ARHGAP15: variants seen among roughly 807,000 people sequenced by gnomAD.
The protein encoded by ARHGAP15 is Rho GTPase activating protein 15.
In ARHGAP15, 51 loss-of-function variants were observed where a neutral mutation model predicts 63.7. That is an observed-to-expected ratio of 0.80 (90% CI 0.64 to 1.01). The LOEUF (loss-of-function observed/expected upper bound fraction) is 1.01, where lower values mean the gene tolerates loss of function less well. Among genes scored for constraint, ARHGAP15 ranks in the 50% least tolerant of loss-of-function variants. The probability of loss-of-function intolerance (pLI) is 0.00; values close to 1 mark genes in which losing one functional copy is unlikely to be tolerated. For missense variants in ARHGAP15, 560 were observed against 564.6 expected (o/e 0.99, Z 0.08); for synonymous variants, 191 against 193.8 (o/e 0.99, Z 0.12).
At chr2:143,267,859 TTTCTC>T (rs1681074171) in intron 6 of ARHGAP15, among the ~76,000 whole-genome samples, 3 of 152,140 alleles carry the variant, frequency 2.0e-5, no homozygotes, top group Non-Finnish European at 4.4e-5. Flanking sequence ...CAAAAAATAT[TTTCTC>T]TAGCTAGTTT....
intron 11 of ARHGAP15, among the ~76,000 whole-genome samples, chr2:143,579,930 G>T (rs1345538514): frequency 6.9e-6 from 1 of 145,904 alleles, no homozygotes; most frequent in African/African-American, 2.5e-5. Context: ...TGCACATTGT[G>T]CAGGTTAAAA....
At chr2:143,591,564 GTTA>G (rs1282408582) in intron 11 of ARHGAP15, among the ~76,000 whole-genome samples, 2 of 148,700 alleles carry the variant, frequency 1.3e-5, no homozygotes, top group African/African-American at 2.5e-5. Flanking sequence ...TATTATTATT[GTTA>G]TTATTATGCA....
intron 6 of ARHGAP15, among the ~76,000 whole-genome samples, chr2:143,267,355 A>G (rs1346231572): frequency 6.6e-6 from 1 of 152,234 alleles, no homozygotes; most frequent in Non-Finnish European, 1.5e-5. Context: ...GATTTAAAAG[A>G]ACCATTCAGC....
intron 6 of ARHGAP15, among the ~76,000 whole-genome samples, chr2:143,258,971 A>G (rs1375559613): frequency 6.6e-6 from 1 of 152,158 alleles, no homozygotes; most frequent in East Asian, 1.9e-4. Flanking sequence ...GGAAATACCA[A>G]TAATGAGGAT....
intron 8 of ARHGAP15, among the ~76,000 whole-genome samples, chr2:143,466,662 A>G (rs1029633671): frequency 1.3e-5 from 2 of 152,058 alleles, no homozygotes; most frequent in African/African-American, 2.4e-5. Context: ...CACATTTGCA[A>G]ATGTAAGTGG....
At chr2:143,480,675 G>A (rs1004927061) in intron 8 of ARHGAP15, 1 of 152,110 alleles carries the variant, frequency 6.6e-6, no homozygotes, top group African/African-American at 2.4e-5. Flanking sequence ...TTTACACTGA[G>A]CAAGTGAAAA....
At chr2:143,589,237 G>T (rs1190150095) in intron 11 of ARHGAP15, among the ~76,000 whole-genome samples, 1 of 152,184 alleles carries the variant, frequency 6.6e-6, no homozygotes. Context: ...GAATGATAGA[G>T]AAATTTTATC....
chr2:143,238,741 C>T (rs1693750291), intron 5 of ARHGAP15, among the ~76,000 whole-genome samples: 1 of 152,094 alleles, frequency 6.6e-6, no homozygotes, highest in East Asian at 1.9e-4. Context: ...GACACATGCA[C>T]GTGTATGTTC....
intron 8 of ARHGAP15, among the ~76,000 whole-genome samples, chr2:143,452,396 A>T: frequency 6.6e-6 from 1 of 151,920 alleles, no homozygotes; most frequent in Non-Finnish European, 1.5e-5. Context: ...TGGATAATGC[A>T]TTTCATTTAA....
chr2:143,275,389 T>A (rs1439108376), intron 6 of ARHGAP15, among the ~76,000 whole-genome samples: 1 of 152,214 alleles, frequency 6.6e-6, no homozygotes, highest in Non-Finnish European at 1.5e-5. Context: ...GGGAATGGAA[T>A]AACGTGTTAC....
At chr2:143,438,085 A>G (rs1339300646) in intron 8 of ARHGAP15, among the ~76,000 whole-genome samples, 1 of 152,148 alleles carries the variant, frequency 6.6e-6, no homozygotes. Flanking sequence ...CTTAAAAATT[A>G]TAGTATTTTG....
At chr2:143,293,209 G>A (rs570596423) in intron 6 of ARHGAP15, among the ~76,000 whole-genome samples, 4 of 152,048 alleles carry the variant, frequency 2.6e-5, no homozygotes, top group African/African-American at 4.8e-5. Context: ...CAATGGTCTC[G>A]AGAATCTTCA....
chr2:143,728,024 G>C (rs1166247788), intron 13 of ARHGAP15, among the ~76,000 whole-genome samples: 1 of 152,168 alleles, frequency 6.6e-6, no homozygotes, highest in Non-Finnish European at 1.5e-5. Context: ...TCTGAAGTCT[G>C]GATAATCCCA....
At chr2:143,281,262 A>AT (rs1249681585) in intron 6 of ARHGAP15, among the ~76,000 whole-genome samples, 1 of 152,140 alleles carries the variant, frequency 6.6e-6, no homozygotes, top group African/African-American at 2.4e-5. Context: ...CTAATTCCAG[A>AT]TTTTCAAAAT....
rs138559862 is a variant in ARHGAP15, at chr2:143,221,889, C to T, written c.296+5444C>T. ...ACTAGTGCCTGCTTTCATCCTAGGG[C>T]CCATAGCTACTAGGCCTTCGGTTGG... is the stretch of plus-strand genomic sequence containing the variant. On this transcript the variant is annotated intron_variant, in intron 4 of 13. Coordinates refer to ENST00000295095, the MANE Select transcript of ARHGAP15 (RefSeq NM_018460.4). Among the ~76,000 whole-genome samples the T allele has an allele frequency of 8.9e-3, 1,352 of 152,278 alleles. 11 individuals are homozygous for T. The highest frequency in any genetic ancestry group is 0.013 in the Non-Finnish European group (881 of 68,024).
chr2:143,239,990 CAAAAAAAAAAAAAAAAA>C (rs60960176), intron 5 of ARHGAP15, among the ~76,000 whole-genome samples: 6 of 26,460 alleles, frequency 2.3e-4, no homozygotes, highest in Admixed American at 1.4e-3. Flanking sequence ...GACTCTGTCT[CAAAAAAAAAAAAAAAAA>C]AAAAAAAAAA....
intron 8 of ARHGAP15, among the ~76,000 whole-genome samples, chr2:143,462,988 C>T (rs1197458021): frequency 6.6e-6 from 1 of 152,172 alleles, no homozygotes; most frequent in Non-Finnish European, 1.5e-5. Flanking sequence ...GTCCAACCTG[C>T]AGCCCCTAGT....
At chr2:143,672,423 A>G (rs1682573962) in intron 12 of ARHGAP15, among the ~76,000 whole-genome samples, 3 of 152,240 alleles carry the variant, frequency 2.0e-5, no homozygotes, top group Admixed American at 2.0e-4. Flanking sequence ...CTATGAGACA[A>G]ATGCCCATAA....
intron 6 of ARHGAP15, among the ~76,000 whole-genome samples, chr2:143,427,371 C>T (rs10204676): frequency 0.013 from 2,001 of 152,230 alleles, 45 homozygotes; most frequent in African/African-American, 0.045. Flanking sequence ...TTAATATTAA[C>T]AGTGTTCTTG....
Sources: gnomAD v4.1 joint callset for allele counts (sites outside exome capture counted in the v4.1 genomes callset) on GRCh38, gnomAD v4.1.1 for gene constraint, MANE v1.5 for transcripts, NCBI Gene and HGNC (gene_info 2026-07-23, HGNC 2026-07-21) for gene names.